The following TMEM102 variants were observed in gnomAD, a reference collection of about 807,000 sequenced individuals.
TMEM102 encodes the protein transmembrane protein 102.
TMEM102 carries 28 observed loss-of-function variants against 26.8 expected under a neutral mutation model. That is an observed-to-expected ratio of 1.05 (90% CI 0.77 to 1.43). TMEM102 has a LOEUF of 1.43. Among genes scored for constraint, TMEM102 ranks in the 40% most tolerant of loss-of-function variants. The pLI is 0.00. For synonymous variants in TMEM102, 306 were observed against 332.1 expected, an observed-to-expected ratio of 0.92 and a Z score of 0.86; for missense variants, 677 against 705.6, an observed-to-expected ratio of 0.96 and a Z score of 0.46.
Position 7,436,060 on chromosome 17 carries a change from C to T in TMEM102, c.189C>T (p.Ala63=), listed in dbSNP as rs1908002842. 6.2e-7 allele frequency: 1 copy of T among 1,613,758 alleles called. No homozygotes were observed. The highest frequency in any genetic ancestry group is 8.5e-7 in the Non-Finnish European group (1 of 1,180,028). Reference sequence around the variant, plus strand: ...AGCCGGGAGCCGATCTCCTCCGGGCCAAGGACTTTGTCTTCTCTTTGCTTG... The same window carrying T: ...AGCCGGGAGCCGATCTCCTCCGGGCTAAGGACTTTGTCTTCTCTTTGCTTG... The part of the protein sequence containing the change: ...GPKPGADLLR[A]KDFVFSLLGL... The change falls in exon 2 of 3, where the codon GCC becomes GCT. Residue 63 remains alanine (A), a synonymous_variant. Coordinates refer to ENST00000323206, the MANE Select transcript of TMEM102 (RefSeq NM_178518.3).
In TMEM102 at chr17:7,436,205, C is replaced by A. The variant is rs757742389; in HGVS notation, c.226C>A (p.Arg76Ser). 1 of 1,611,034 alleles carries A rather than the reference C, an allele frequency of 6.2e-7. No individual in the cohort carries two copies. The change falls in exon 3 of 3, where the codon CGC becomes AGC. Residue 76 changes from arginine (R) to serine (S), a missense_variant. Physicochemically the swap from Arg to Ser is moderately radical, Grantham distance 110 (BLOSUM62 -1). Coordinates refer to ENST00000323206, the MANE Select transcript of TMEM102 (RefSeq NM_178518.3). Reference sequence around the variant, plus strand: ...TTCCCTTTTTTTAGGTCTAGTTCACCGCCGGGACCCTCGCTTTCCTCCCCA... The same window carrying A: ...TTCCCTTTTTTTAGGTCTAGTTCACAGCCGGGACCCTCGCTTTCCTCCCCA... ...FVFSLLGLVH[R>S]RDPRFPPQAE...
In TMEM102 at chr17:7,437,137, C is replaced by G; in HGVS notation, c.1158C>G (p.His386Gln). The G allele has an allele frequency of 6.9e-7, 1 of 1,456,880 alleles. No homozygotes were observed. Among genetic ancestry groups the G allele is most frequent in the Non-Finnish European group, 8.9e-7 (1 of 1,119,228 alleles). 90.2% of individuals were successfully genotyped at this position (1,456,880 alleles called of 1,614,324 possible). A position where few individuals can be genotyped will look rare whatever the true frequency, so the allele number is the denominator to read the frequency against. ...ARIPAPLLQA[H>Q]AAAQALLRPL... is the part of the protein sequence containing the mutation. ...TACCAGCGCCGCTGCTGCAGGCGCA[C>G]GCGGCGGCCCAGGCGCTACTGCGCC... Residue 386 changes from histidine (H) to glutamine (Q), a missense_variant, in exon 3 of 3, where the codon CAC becomes CAG. Coordinates refer to ENST00000323206, the MANE Select transcript of TMEM102 (RefSeq NM_178518.3). The surrounding 1 kb of genome is among the most constrained non-coding windows in gnomAD (Gnocchi z 4.2).
intron 1 of TMEM102, 48 bp from the exon 2 acceptor site, chr17:7,435,805 G>A: frequency 6.9e-7 from 1 of 1,446,692 alleles, no homozygotes; most frequent in Non-Finnish European, 9.3e-7. Context: ...GGAAGAACGG[G>A]GACGACTTTG....
In TMEM102 at chr17:7,436,667, G is replaced by A. The variant is rs1908035942; in HGVS notation, c.688G>A (p.Ala230Thr). 1 of 1,613,820 alleles carries A rather than the reference G, an allele frequency of 6.2e-7. No homozygotes were observed. Among genetic ancestry groups the A allele is most frequent in the South Asian group, 1.1e-5 (1 of 91,090 alleles). Reference sequence around the variant, plus strand: ...TGACGTCGTCGACCTTGGCTCTACCGCACCTTTGAAAACAATGAGTAGTGA... The same window carrying A: ...TGACGTCGTCGACCTTGGCTCTACCACACCTTTGAAAACAATGAGTAGTGA... ...QHDVVDLGSTAPLKTMSSDVT... is the reference protein window; with the variant it reads ...QHDVVDLGSTTPLKTMSSDVT... The change falls in exon 3 of 3, where the codon GCA becomes ACA. Residue 230 changes from alanine to threonine, a missense_variant. By Grantham distance (58) the Ala-to-Thr change is moderately conservative. Transcript: ENST00000323206.
chr17:7,435,925 C>G lies in TMEM102; in HGVS notation c.54C>G (p.Ala18=). Residue 18 remains alanine, a synonymous_variant, in exon 2 of 3, where the codon GCC becomes GCG. Transcript: ENST00000323206. The part of the protein sequence containing the change: ...SAPWWGPPPP[A]PARPLTDIDF... ...CCTGGTGGGGCCCGCCGCCCCCGGCCCCAGCTCGGCCGCTCACGGACATCG... is the reference window on the plus strand; with the variant it reads ...CCTGGTGGGGCCCGCCGCCCCCGGCGCCAGCTCGGCCGCTCACGGACATCG... 1 of 1,611,726 alleles carries G rather than the reference C, an allele frequency of 6.2e-7. No homozygotes were observed. Among genetic ancestry groups the G allele is most frequent in the Non-Finnish European group, 8.5e-7 (1 of 1,179,542 alleles).
chr17:7,436,037 C>T lies in TMEM102; in HGVS notation c.166C>T (p.Pro56Ser). ...VQESWSDGPK[P>S]GADLLRAKDF... ...GGAGAGCTGGAGTGACGGGCCCAAG[C>T]CGGGAGCCGATCTCCTCCGGGCCAA... is the stretch of plus-strand genomic sequence containing the variant. The change falls in exon 2 of 3, where the codon CCG becomes TCG. Residue 56 changes from proline (P) to serine (S), a missense_variant. Physicochemically the swap from Pro to Ser is moderately conservative, Grantham distance 74. Coordinates refer to ENST00000323206, the MANE Select transcript of TMEM102 (RefSeq NM_178518.3). The T allele has an allele frequency of 1.9e-6, 3 of 1,613,786 alleles. No homozygotes were observed. Among genetic ancestry groups the T allele is most frequent in the Middle Eastern group, 1.6e-4 (1 of 6,062 alleles).
At chr17:7,435,827 C>A in intron 1 of TMEM102, 26 bp from the exon 2 acceptor site, 4 of 1,519,568 alleles carry the variant, frequency 2.6e-6, no homozygotes, top group Non-Finnish European at 3.5e-6. Flanking sequence ...GGCAGCAAAG[C>A]CACCTCCCTT....
rs753717339 is a variant in TMEM102 at position 7,436,490 on chromosome 17, C to A, written c.511C>A (p.Arg171Ser). ...CTTAGGACCCCCAGTCCCAGGAGCA[C>A]GTGATTCGATCCACCGAACGGAGAG... is the stretch of plus-strand genomic sequence containing the variant. ...DCLGPPVPGA[R>S]DSIHRTESEE... The change falls in exon 3 of 3, where the codon CGT (arginine) becomes AGT (serine). Residue 171 changes from arginine (R) to serine (S), a missense_variant. By Grantham distance (110) the Arg-to-Ser change is moderately radical. Coordinates refer to ENST00000323206, the MANE Select transcript of TMEM102 (RefSeq NM_178518.3). 6.2e-7 allele frequency: 1 copy of A among 1,613,794 alleles called. No individual in the cohort carries two copies. Among genetic ancestry groups the A allele is most frequent in the Admixed American group, 1.7e-5 (1 of 60,022 alleles).
Position 7,437,587 on chromosome 17 carries a change from C to A in TMEM102, c.*81C>A. On this transcript the variant is annotated 3_prime_UTR_variant, in exon 3 of 3. Transcript: ENST00000323206. This position sits in a 1 kb window ranked among gnomAD's most constrained non-coding sequence, Gnocchi z 4.2. Reference sequence around the variant, plus strand: ...CCCTGCTCGCCCCTCGCCAGGGGGACTGACTGTGTGCCCTGGGCCTGAAGC... The same window carrying A: ...CCCTGCTCGCCCCTCGCCAGGGGGAATGACTGTGTGCCCTGGGCCTGAAGC... 9.7e-7 allele frequency: 1 copy of A among 1,029,944 alleles called. No homozygotes were observed. 63.8% of individuals were successfully genotyped at this position (1,029,944 alleles called of 1,614,324 possible). A position where few individuals can be genotyped will look rare whatever the true frequency, so the allele number is the denominator to read the frequency against.
At position 7,437,424 on chromosome 17, in the gene TMEM102, G is replaced by A. The variant is rs1390173573; in HGVS notation, c.1445G>A (p.Arg482Gln). Residue 482 changes from arginine (R) to glutamine (Q), a missense_variant, in exon 3 of 3, where the codon CGG (arginine) becomes CAG (glutamine). Physicochemically the swap from Arg to Gln is conservative, Grantham distance 43 (BLOSUM62 1). Coordinates refer to ENST00000323206, the MANE Select transcript of TMEM102 (RefSeq NM_178518.3). This position sits in a 1 kb window ranked among gnomAD's most constrained non-coding sequence, Gnocchi z 4.2. Reference protein sequence around the residue: ...ELARLRGDPARALRAAVEEAK... With the variant: ...ELARLRGDPAQALRAAVEEAK... ...GCCCGGCTCCGCGGGGACCCGGCCC[G>A]GGCCCTCCGTGCCGCGGTGGAGGAG... is the stretch of plus-strand genomic sequence containing the variant. 4 of 1,492,396 alleles carry A rather than the reference G, an allele frequency of 2.7e-6. No homozygotes were observed. The highest frequency in any genetic ancestry group is 3.6e-6 in the Non-Finnish European group (4 of 1,120,474). 92.4% of individuals were successfully genotyped at this position (1,492,396 alleles called of 1,614,324 possible). A position where few individuals can be genotyped will look rare whatever the true frequency, so the allele number is the denominator to read the frequency against.
chr17:7,436,133 C>G, intron 2 of TMEM102, 48 bp downstream of exon 2: 2 of 1,602,868 alleles, frequency 1.2e-6, no homozygotes, highest in African/African-American at 1.3e-5. Flanking sequence ...TCAGCCTCAC[C>G]ACGCCCCCGC....
rs1406169073 is a variant in TMEM102, at chr17:7,437,043, C to G, written c.1064C>G (p.Thr355Ser). 6.3e-7 allele frequency: 1 copy of G among 1,576,766 alleles called. No individual in the cohort carries two copies. Among genetic ancestry groups the G allele is most frequent in the Admixed American group, 1.8e-5 (1 of 55,782 alleles). Reference sequence around the variant, plus strand: ...TTCTACCTGGTGCCCGGTGGCGGCACCGAGCGGCCGTGCGCCTCCGCCTGG... The same window carrying G: ...TTCTACCTGGTGCCCGGTGGCGGCAGCGAGCGGCCGTGCGCCTCCGCCTGG... ...ASFYLVPGGG[T>S]ERPCASAWQL... is the part of the protein sequence containing the mutation. Residue 355 changes from threonine (T) to serine (S), a missense_variant, in exon 3 of 3, where the codon ACC becomes AGC. By Grantham distance (58) the Thr-to-Ser change is moderately conservative. Transcript: ENST00000323206. This position sits in a 1 kb window ranked among gnomAD's most constrained non-coding sequence, Gnocchi z 4.2.
Position 7,437,215 on chromosome 17 carries a change from G to A in TMEM102, c.1236G>A (p.Leu412=). ...AAAPYLLRTL[L]YWACERLPAL... is the part of the protein sequence containing the mutation. ...CGCCCTACCTCCTGCGGACGCTGCT[G>A]TACTGGGCGTGCGAGCGGCTGCCTG... The change falls in exon 3 of 3, where the codon CTG becomes CTA. Residue 412 remains leucine, a synonymous_variant. Coordinates refer to ENST00000323206, the MANE Select transcript of TMEM102 (RefSeq NM_178518.3). This position sits in a 1 kb window ranked among gnomAD's most constrained non-coding sequence, Gnocchi z 4.2. 1 of 1,514,188 alleles carries A rather than the reference G, an allele frequency of 6.6e-7. No homozygotes were observed. Among genetic ancestry groups the A allele is most frequent in the Non-Finnish European group, 8.8e-7 (1 of 1,134,586 alleles). The allele number at this position is 1,514,188 out of a possible 1,614,324, so 93.8% of individuals were successfully genotyped here.
rs754376815 is a variant in TMEM102, at chr17:7,437,399, G to A, written c.1420G>A (p.Ala474Thr). The A allele has an allele frequency of 7.0e-5, 107 of 1,532,914 alleles. No individual in the cohort carries two copies. The highest frequency in any genetic ancestry group is 9.7e-6 in the Non-Finnish European group (11 of 1,139,814). 95.0% of individuals were successfully genotyped at this position (1,532,914 alleles called of 1,614,324 possible). A position where few individuals can be genotyped will look rare whatever the true frequency, so the allele number is the denominator to read the frequency against. Residue 474 changes from alanine (A) to threonine (T), a missense_variant, in exon 3 of 3, where the codon GCC (alanine) becomes ACC (threonine). By Grantham distance (58) the Ala-to-Thr change is moderately conservative. Transcript: ENST00000323206. This position sits in a 1 kb window ranked among gnomAD's most constrained non-coding sequence, Gnocchi z 4.2. ...DDSAALLGEL[A>T]RLRGDPARAL... is the part of the protein sequence containing the mutation. ...CTCCGCTGCGCTGCTCGGAGAATTG[G>A]CCCGGCTCCGCGGGGACCCGGCCCG...
Position 7,436,206 on chromosome 17 carries a change from G to T in TMEM102, c.227G>T (p.Arg76Leu), listed in dbSNP as rs147336927. ...TCCCTTTTTTTAGGTCTAGTTCACC[G>T]CCGGGACCCTCGCTTTCCTCCCCAG... ...FVFSLLGLVHRRDPRFPPQAE... is the reference protein window; with the variant it reads ...FVFSLLGLVHLRDPRFPPQAE... Residue 76 changes from arginine to leucine, a missense_variant, in exon 3 of 3, where the codon CGC (arginine) becomes CTC (leucine). Coordinates refer to ENST00000323206, the MANE Select transcript of TMEM102 (RefSeq NM_178518.3). 4.3e-4 allele frequency: 686 copies of T among 1,610,694 alleles called. 1 individual carries two copies. Among genetic ancestry groups the T allele is most frequent in the Middle Eastern group, 3.0e-3 (18 of 6,052 alleles).
rs1452024429 is a variant in TMEM102, at chr17:7,437,476, TTTGGCGGGC to T, written c.1498_1506del (p.Leu500_Gly502del). 1.4e-6 allele frequency: 2 copies of T among 1,404,808 alleles called. No homozygotes were observed. 87.0% of individuals were successfully genotyped at this position (1,404,808 alleles called of 1,614,324 possible). A position where few individuals can be genotyped will look rare whatever the true frequency, so the allele number is the denominator to read the frequency against. ...CCAAAGTGGCCCGCAAGGGGGGCGG[TTTGGCGGGC>T]GTGGGGGGCGGGGCCCATTAAAGAC... On this transcript the variant is annotated inframe_deletion, in exon 3 of 3. Coordinates refer to ENST00000323206, the MANE Select transcript of TMEM102 (RefSeq NM_178518.3). The surrounding 1 kb of genome is among the most constrained non-coding windows in gnomAD (Gnocchi z 4.2).
chr17:7,437,049 G>A lies in TMEM102; in HGVS notation c.1070G>A (p.Arg357Gln). The change falls in exon 3 of 3, where the codon CGG becomes CAG. Residue 357 changes from arginine to glutamine, a missense_variant. Coordinates refer to ENST00000323206, the MANE Select transcript of TMEM102 (RefSeq NM_178518.3). This position sits in a 1 kb window ranked among gnomAD's most constrained non-coding sequence, Gnocchi z 4.2. ...FYLVPGGGTE[R>Q]PCASAWQLCF... ...CTGGTGCCCGGTGGCGGCACCGAGC[G>A]GCCGTGCGCCTCCGCCTGGCAGCTC... 4 of 1,570,706 alleles carry A rather than the reference G, an allele frequency of 2.5e-6. No individual in the cohort carries two copies. Among genetic ancestry groups the A allele is most frequent in the Non-Finnish European group, 3.4e-6 (4 of 1,165,926 alleles).
rs34121192 is a variant in TMEM102 at position 7,437,545 on chromosome 17, G to A, written c.*39G>A. On this transcript the variant is annotated 3_prime_UTR_variant, in exon 3 of 3. Coordinates refer to ENST00000323206, the MANE Select transcript of TMEM102 (RefSeq NM_178518.3). This position sits in a 1 kb window ranked among gnomAD's most constrained non-coding sequence, Gnocchi z 4.2. ...ACCAGTGGAAAGTGCCTCTGTGGGC[G>A]AGCGGGACGTGGGGGGCCCTGCTCG... 108,917 of 1,290,260 alleles carry A rather than the reference G, an allele frequency of 0.084. 5,385 individuals are homozygous for A. Among genetic ancestry groups the A allele is most frequent in the African/African-American group, 0.18 (11,601 of 64,050 alleles). The allele number at this position is 1,290,260 out of a possible 1,614,324, so 79.9% of individuals were successfully genotyped here.
rs957229287 is a variant in TMEM102, at chr17:7,435,892, G to A, written c.21G>A (p.Gly7=). The A allele has an allele frequency of 2.3e-5, 37 of 1,608,256 alleles. No homozygotes were observed. Among genetic ancestry groups the A allele is most frequent in the East Asian group, 6.7e-5 (3 of 44,818 alleles). Residue 7 remains glycine, a synonymous_variant, in exon 2 of 3, where the codon GGG becomes GGA. Coordinates refer to ENST00000323206, the MANE Select transcript of TMEM102 (RefSeq NM_178518.3). The part of the protein sequence containing the change: MASAVW[G]SAPWWGPPPP... ...ACCGCATGGCTTCCGCAGTCTGGGG[G>A]AGTGCCCCCTGGTGGGGCCCGCCGC...
Sources: gnomAD v4.1 joint callset for allele counts on GRCh38, gnomAD v4.1.1 for gene constraint, Gnocchi (gnomAD v3.1) non-coding constraint, MANE v1.5 for transcripts, NCBI Gene and HGNC (gene_info 2026-07-23, HGNC 2026-07-21) for gene names.